IMMP2L: variants seen among roughly 807,000 people sequenced by gnomAD.
The protein encoded by IMMP2L is mitochondrial inner membrane protease subunit 2.
IMMP2L carries 18 observed loss-of-function variants against 19.3 expected under a neutral mutation model. The observed-to-expected ratio is 0.93, with a 90% CI of 0.64 to 1.38. The LOEUF (loss-of-function observed/expected upper bound fraction) is 1.38. IMMP2L is among the 40% of genes most tolerant of loss of function. IMMP2L has a pLI of 0.00. For missense variants in IMMP2L, 233 were observed against 218.2 expected, an observed-to-expected ratio of 1.07 and a Z score of -0.43; for synonymous variants, 76 against 73.0, an observed-to-expected ratio of 1.04 and a Z score of -0.21.
At chr7:110,976,942 A>T (rs893757922) in intron 3 of IMMP2L, among the ~76,000 whole-genome samples, 1 of 152,194 alleles carries the variant, frequency 6.6e-6, no homozygotes, top group South Asian at 2.1e-4. Context: ...CTAATTCCAT[A>T]TTTAATATAA....
At chr7:111,189,840 G>A (rs1808680439) in intron 3 of IMMP2L, among the ~76,000 whole-genome samples, 1 of 152,104 alleles carries the variant, frequency 6.6e-6, no homozygotes, top group Non-Finnish European at 1.5e-5. Flanking sequence ...ATCTTTAAGA[G>A]GAAAGATTCC....
chr7:111,532,823 C>G (rs189376309), intron 1 of IMMP2L, among the ~76,000 whole-genome samples: 1 of 152,210 alleles, frequency 6.6e-6, no homozygotes, highest in Admixed American at 6.5e-5. Flanking sequence ...GAAAGGTGCC[C>G]ACAGCCCATG....
At chr7:110,797,317 G>T (rs1016556747) in intron 5 of IMMP2L, among the ~76,000 whole-genome samples, 2 of 151,976 alleles carry the variant, frequency 1.3e-5, no homozygotes, top group African/African-American at 4.8e-5. Flanking sequence ...AAATTACACA[G>T]TAGAACATAT....
chr7:111,279,046 A>C (rs185361384), intron 3 of IMMP2L, among the ~76,000 whole-genome samples: 1 of 152,324 alleles, frequency 6.6e-6, no homozygotes. Flanking sequence ...GTCTATTGAG[A>C]GCAGGTCCTC....
intron 3 of IMMP2L, among the ~76,000 whole-genome samples, chr7:111,440,393 T>G (rs1471467268): frequency 2.0e-5 from 3 of 151,930 alleles, no homozygotes; most frequent in Non-Finnish European, 4.4e-5. Context: ...ATGGATATTG[T>G]TAGCAAGCAG....
intron 1 of IMMP2L, among the ~76,000 whole-genome samples, chr7:111,554,062 A>G (rs1790982172): frequency 6.6e-6 from 1 of 152,174 alleles, no homozygotes; most frequent in Non-Finnish European, 1.5e-5. Context: ...ACAATTTTTT[A>G]GCTCCAAATC....
intron 4 of IMMP2L, among the ~76,000 whole-genome samples, chr7:110,926,957 C>T (rs570675629): frequency 2.0e-5 from 3 of 152,136 alleles, no homozygotes; most frequent in African/African-American, 7.2e-5. Flanking sequence ...TTCTTTGACC[C>T]TCTTTCAATA....
chr7:111,119,297 A>G lies in IMMP2L; in HGVS notation c.240-155732T>C, dbSNP rs540845738. On this transcript the variant is annotated intron_variant, in intron 3 of 5. Transcript: ENST00000405709. ...ATTTTCATTTTATTCGGAGGGGTATATGCTCCCAAATGAGCATGCATACGG... is the reference window on the plus strand; with the variant it reads ...ATTTTCATTTTATTCGGAGGGGTATGTGCTCCCAAATGAGCATGCATACGG... Among the ~76,000 whole-genome samples, 165 of 152,314 alleles carry G rather than the reference A, an allele frequency of 1.1e-3. 1 individual carries two copies. The highest frequency in any genetic ancestry group is 1.4e-3 in the Admixed American group (21 of 15,294).
rs140803804 is a variant in IMMP2L, at chr7:111,191,736, T to C, written c.240-228171A>G. Among the ~76,000 whole-genome samples, 5 of 152,200 alleles carry C rather than the reference T, an allele frequency of 3.3e-5. No homozygotes were observed. In the East Asian group the frequency reaches 9.7e-4, roughly 29 times the overall value. Reference sequence around the variant, plus strand: ...AGGCCAAACAGAAGTTGATCTACTCTGAGCTGAACAAGAAAACATTTTTTT... The same window carrying C: ...AGGCCAAACAGAAGTTGATCTACTCCGAGCTGAACAAGAAAACATTTTTTT... On this transcript the variant is annotated intron_variant, in intron 3 of 5. Transcript: ENST00000405709.
At chr7:111,173,032 T>C (rs1347101696) in intron 3 of IMMP2L, among the ~76,000 whole-genome samples, 7 of 151,494 alleles carry the variant, frequency 4.6e-5, no homozygotes. Context: ...AAATGAACAA[T>C]ACATGAAGTC....
intron 3 of IMMP2L, among the ~76,000 whole-genome samples, chr7:111,436,221 G>A (rs1003744772): frequency 6.6e-6 from 1 of 151,458 alleles, no homozygotes; most frequent in African/African-American, 2.4e-5. Context: ...TTAAAATAAA[G>A]GATTTATTAC....
chr7:110,767,731 C>T (rs1412082604), intron 5 of IMMP2L, among the ~76,000 whole-genome samples: 1 of 152,164 alleles, frequency 6.6e-6, no homozygotes, highest in Non-Finnish European at 1.5e-5. Context: ...TCAATAGTTT[C>T]CTAACTAGTC....
intron 2 of IMMP2L, among the ~76,000 whole-genome samples, chr7:111,512,085 T>C (rs1159825454): frequency 6.6e-6 from 1 of 152,130 alleles, no homozygotes; most frequent in Non-Finnish European, 1.5e-5. Flanking sequence ...TACACAAATA[T>C]CTATAGCAGC....
At chr7:110,781,613 C>A (rs1330507712) in intron 5 of IMMP2L, among the ~76,000 whole-genome samples, 1 of 151,590 alleles carries the variant, frequency 6.6e-6, no homozygotes, top group Non-Finnish European at 1.5e-5. Flanking sequence ...CCAAAATGGA[C>A]TAAAATATTC....
At chr7:111,447,494 G>C (rs1373682082) in intron 3 of IMMP2L, among the ~76,000 whole-genome samples, 1 of 146,662 alleles carries the variant, frequency 6.8e-6, no homozygotes. Flanking sequence ...ATACTTTACA[G>C]ACAAGCAAAT....
chr7:110,911,860 A>G (rs1210050997), intron 4 of IMMP2L, among the ~76,000 whole-genome samples: 1 of 152,162 alleles, frequency 6.6e-6, no homozygotes, highest in Non-Finnish European at 1.5e-5. Flanking sequence ...ATGTATTTCA[A>G]GCATTTGACG....
At chr7:111,427,025 C>G (rs1303581215) in intron 3 of IMMP2L, among the ~76,000 whole-genome samples, 2 of 151,218 alleles carry the variant, frequency 1.3e-5, no homozygotes, top group East Asian at 3.9e-4. Context: ...CATTACTGAT[C>G]ACTTTAATGT....
chr7:110,787,343 C>G (rs1800152931), intron 5 of IMMP2L, among the ~76,000 whole-genome samples: 1 of 151,932 alleles, frequency 6.6e-6, no homozygotes, highest in Non-Finnish European at 1.5e-5. Context: ...GCTTTTATCT[C>G]TTGATTTTCA....
chr7:111,209,488 A>G (rs1428848980), intron 3 of IMMP2L, among the ~76,000 whole-genome samples: 1 of 152,026 alleles, frequency 6.6e-6, no homozygotes, highest in Non-Finnish European at 1.5e-5. Context: ...TAAAACTCAT[A>G]TTTACATTTA....
Sources: allele counts gnomAD v4.1 joint callset (sites outside exome capture counted in the v4.1 genomes callset), GRCh38; gene constraint gnomAD v4.1.1; transcripts MANE v1.5; gene names NCBI Gene and HGNC (gene_info 2026-07-23, HGNC 2026-07-21).